The following DLGAP1 variants were observed in gnomAD, a reference collection of about 807,000 sequenced individuals.
DLGAP1 encodes disks large-associated protein 1.
Under a neutral mutation model 90.8 loss-of-function variants are expected in DLGAP1, and 11 were observed. The observed-to-expected ratio is 0.12, with a 90% confidence interval of 0.08 to 0.20. The LOEUF is 0.20. Among genes scored for constraint, DLGAP1 ranks in the 10% least tolerant of loss-of-function variants. The probability of loss-of-function intolerance (pLI) is 1.00; values close to 1 mark genes in which losing one functional copy is unlikely to be tolerated. For missense variants in DLGAP1, 1,050 were observed against 1,333.8 expected (o/e 0.79, Z 3.31); for synonymous variants, 558 against 540.7 (o/e 1.03, Z -0.44).
intron 1 of DLGAP1, among the ~76,000 whole-genome samples, chr18:4,306,005 TACACAC>T (rs375614632): frequency 8.2e-6 from 1 of 121,430 alleles, no homozygotes; most frequent in African/African-American, 3.1e-5. Flanking sequence ...CCCAAAACAT[TACACAC>T]ACACACACAG....
chr18:4,389,616 T>C (rs2082300902), intron 1 of DLGAP1, among the ~76,000 whole-genome samples: 1 of 152,222 alleles, frequency 6.6e-6, no homozygotes, highest in Admixed American at 6.5e-5. Context: ...AATTAAATGA[T>C]TTTTATTTTC....
At position 4,087,028 on chromosome 18, in the gene DLGAP1, G is replaced by GAT. The variant is rs145482904; in HGVS notation, c.-159+64150_-159+64151dup. ...TAGTTCTGAAGTCTACCTTGTCTGA[G>GAT]ATATATATATATACACAAACACATA... On this transcript the variant is annotated intron_variant, in intron 2 of 12. Transcript: ENST00000315677. Among the ~76,000 whole-genome samples, 90 of 121,834 alleles carry GAT rather than the reference G, an allele frequency of 7.4e-4. 7 individuals are homozygous for GAT. The highest frequency in any genetic ancestry group is 2.0e-3 in the African/African-American group (65 of 32,068). 79.9% of individuals were successfully genotyped at this position (121,834 alleles called of 152,430 possible).
intron 3 of DLGAP1, among the ~76,000 whole-genome samples, chr18:3,883,056 C>T (rs1158480840): frequency 6.6e-6 from 1 of 152,182 alleles, no homozygotes; most frequent in Non-Finnish European, 1.5e-5. Flanking sequence ...CCAGTCTAGC[C>T]AACATGGTGA....
At chr18:4,135,820 T>C (rs563646004) in intron 2 of DLGAP1, among the ~76,000 whole-genome samples, 8 of 142,946 alleles carry the variant, frequency 5.6e-5, no homozygotes, top group Admixed American at 1.4e-4. Context: ...GGCTGAATAG[T>C]ATTCCATAAT....
chr18:3,562,704 C>G (rs1271636424), intron 9 of DLGAP1, among the ~76,000 whole-genome samples: 1 of 134,716 alleles, frequency 7.4e-6, no homozygotes, highest in Non-Finnish European at 1.7e-5. Context: ...GCCACCACGC[C>G]TGGTTAATTT....
chr18:4,126,891 C>T (rs1053973838), intron 2 of DLGAP1, among the ~76,000 whole-genome samples: 2 of 152,190 alleles, frequency 1.3e-5, no homozygotes, highest in African/African-American at 4.8e-5. Context: ...AACCTTTCTC[C>T]CTCAAGGGAA....
At chr18:4,276,840 T>C (rs142124307) in intron 1 of DLGAP1, among the ~76,000 whole-genome samples, 1 of 152,324 alleles carries the variant, frequency 6.6e-6, no homozygotes, top group African/African-American at 2.4e-5. Context: ...TACAGATTTC[T>C]GTGTCTGACT....
intron 1 of DLGAP1, among the ~76,000 whole-genome samples, chr18:4,401,574 A>G (rs1158711533): frequency 6.6e-6 from 1 of 152,218 alleles, no homozygotes; most frequent in Non-Finnish European, 1.5e-5. Flanking sequence ...CAGCATCTGG[A>G]GATCTTCTTT....
rs2075648406 is a variant in DLGAP1, at chr18:4,084,002, G to C, written c.-159+67178C>G. Among the ~76,000 whole-genome samples the C allele has an allele frequency of 6.6e-6, 1 of 152,134 alleles. No individual in the cohort carries two copies. The highest frequency in any genetic ancestry group is 6.5e-5 in the Admixed American group (1 of 15,270). ...TCACACGGGGGCTTGGAGAATGAGT[G>C]CAAGGTTTTATTGAGTGGTGGAAGT... On this transcript the variant is annotated intron_variant, in intron 2 of 12. Transcript: ENST00000315677. The surrounding 1 kb of genome is among the most constrained non-coding windows in gnomAD (Gnocchi z 4.0).
intron 7 of DLGAP1, among the ~76,000 whole-genome samples, chr18:3,641,882 G>C (rs1279602680): frequency 1.3e-5 from 2 of 152,032 alleles, no homozygotes; most frequent in Non-Finnish European, 2.9e-5. Context: ...TCTAAACCAT[G>C]AACAGAAAAC....
chr18:4,023,468 G>A (rs569569592), intron 2 of DLGAP1, among the ~76,000 whole-genome samples: 1 of 152,254 alleles, frequency 6.6e-6, no homozygotes, highest in South Asian at 2.1e-4. Context: ...CTTTCAGCAA[G>A]TGTATTCGCA....
intron 7 of DLGAP1, chr18:3,604,090 T>G (rs999642096): frequency 2.0e-5 from 3 of 153,692 alleles, no homozygotes; most frequent in Non-Finnish European, 2.9e-5. Context: ...AATTCCAAAT[T>G]TGATGCCAAC....
chr18:4,024,495 G>A (rs2074666629), intron 2 of DLGAP1, among the ~76,000 whole-genome samples: 1 of 152,188 alleles, frequency 6.6e-6, no homozygotes, highest in African/African-American at 2.4e-5. Flanking sequence ...AACAAGACAG[G>A]CAAAGGGGAC....
intron 1 of DLGAP1, among the ~76,000 whole-genome samples, chr18:4,427,296 T>C (rs540864831): frequency 1.3e-5 from 2 of 152,220 alleles, no homozygotes; most frequent in African/African-American, 4.8e-5. Flanking sequence ...GGGAGAAGGT[T>C]GGAGGTGGAG....
intron 4 of DLGAP1, among the ~76,000 whole-genome samples, chr18:3,878,791 AG>A (rs2071068691): frequency 6.6e-6 from 1 of 152,200 alleles, no homozygotes; most frequent in Admixed American, 6.5e-5. Context: ...AATTCTCTGT[AG>A]ACTTCCCTTT....
At chr18:3,538,297 T>C (rs368564368) in intron 9 of DLGAP1, among the ~76,000 whole-genome samples, 3 of 152,126 alleles carry the variant, frequency 2.0e-5, no homozygotes, top group East Asian at 1.9e-4. Flanking sequence ...GTTGACCCAT[T>C]TGCTGTTTTC....
chr18:4,379,845 A>T (rs1303966214), intron 1 of DLGAP1, among the ~76,000 whole-genome samples: 3 of 152,212 alleles, frequency 2.0e-5, no homozygotes, highest in African/African-American at 7.2e-5. Flanking sequence ...AGGCATTGAG[A>T]TCTAACAAGA....
chr18:3,846,342 G>A (rs2069013002), intron 4 of DLGAP1, among the ~76,000 whole-genome samples: 1 of 152,024 alleles, frequency 6.6e-6, no homozygotes, highest in South Asian at 2.1e-4. Flanking sequence ...TAAAAGCACA[G>A]GTGCATTTAA....
chr18:3,850,812 A>AT (rs1031235134), intron 4 of DLGAP1, among the ~76,000 whole-genome samples: 3 of 152,108 alleles, frequency 2.0e-5, no homozygotes, highest in African/African-American at 7.2e-5. Context: ...CTTTATTTTT[A>AT]TTTTTTATTT....
Sources: allele counts gnomAD v4.1 joint callset (sites outside exome capture counted in the v4.1 genomes callset), GRCh38; gene constraint gnomAD v4.1.1; non-coding constraint Gnocchi (gnomAD v3.1); transcripts MANE v1.5; gene names NCBI Gene and HGNC (gene_info 2026-07-23, HGNC 2026-07-21).